Variants in CBFA2T2 observed in about 807,000 individuals in gnomAD.
CBFA2T2 encodes protein CBFA2T2.
In CBFA2T2, 11 loss-of-function variants were observed where a neutral mutation model predicts 62.2. The ratio of observed to expected loss-of-function variants is 0.18; its 90% confidence interval spans 0.11 to 0.29. CBFA2T2 has a LOEUF of 0.29. Among genes scored for constraint, CBFA2T2 ranks in the 10% least tolerant of loss-of-function variants. The pLI is 1.00. For synonymous variants in CBFA2T2, 295 were observed against 287.5 expected, an observed-to-expected ratio of 1.03 and a Z score of -0.27; for missense variants, 592 against 774.1, an observed-to-expected ratio of 0.76 and a Z score of 2.79.
chr20:33,500,012 G>A (rs1429273855), intron 1 of CBFA2T2, among the ~76,000 whole-genome samples: 1 of 152,020 alleles, frequency 6.6e-6, no homozygotes, highest in Non-Finnish European at 1.5e-5. Flanking sequence ...CAGGCTGAGT[G>A]CAGTGGTGTG....
At chr20:33,631,014 C>G (rs368505143) in intron 8 of CBFA2T2, among the ~76,000 whole-genome samples, 1 of 152,050 alleles carries the variant, frequency 6.6e-6, no homozygotes, top group Non-Finnish European at 1.5e-5. Context: ...TGATTCCTTT[C>G]GTAAAAACTC....
intron 1 of CBFA2T2, among the ~76,000 whole-genome samples, chr20:33,564,558 T>C (rs1020247478): frequency 4.0e-5 from 6 of 151,744 alleles, no homozygotes; most frequent in Non-Finnish European, 7.4e-5. Context: ...CCTGGCCCTC[T>C]TTTTTTCTTT....
chr20:33,551,596 T>A (rs575498408), intron 1 of CBFA2T2, among the ~76,000 whole-genome samples: 4 of 152,254 alleles, frequency 2.6e-5, no homozygotes, highest in African/African-American at 7.2e-5. Context: ...AGTGGTGTGA[T>A]CTCAGCTCAT....
intron 8 of CBFA2T2, among the ~76,000 whole-genome samples, chr20:33,633,926 C>T (rs2016539335): frequency 6.6e-6 from 1 of 152,082 alleles, no homozygotes; most frequent in Non-Finnish European, 1.5e-5. Flanking sequence ...ATTTTATGAA[C>T]TGGTCAGCCA....
At chr20:33,617,071 T>A (rs577810529) in intron 3 of CBFA2T2, among the ~76,000 whole-genome samples, 4 of 151,884 alleles carry the variant, frequency 2.6e-5, no homozygotes, top group African/African-American at 7.2e-5. Flanking sequence ...AAAAAAAAAA[T>A]TTAAATTAGC....
intron 1 of CBFA2T2, among the ~76,000 whole-genome samples, chr20:33,606,250 GAA>G (rs1166608368): frequency 6.6e-6 from 1 of 152,130 alleles, no homozygotes; most frequent in Non-Finnish European, 1.5e-5. Context: ...AGAAGTTAAA[GAA>G]AATGCATTTG....
intron 10 of CBFA2T2, among the ~76,000 whole-genome samples, chr20:33,641,984 G>A (rs750599237): frequency 9.2e-5 from 14 of 151,850 alleles, no homozygotes; most frequent in African/African-American, 2.2e-4. Flanking sequence ...TAAATACCAC[G>A]TGGCTATCAC....
rs2017077726 is a variant in CBFA2T2 at position 33,647,059 on chromosome 20, GTT to G, written c.*2416_*2417del. The G allele has an allele frequency of 6.6e-6, 1 of 152,130 alleles. No homozygotes were observed. Among genetic ancestry groups the G allele is most frequent in the Admixed American group, 6.6e-5 (1 of 15,256 alleles). The allele number at this position is 152,130 out of a possible 1,614,324, so 9.4% of individuals were successfully genotyped here. On this transcript the variant is annotated 3_prime_UTR_variant, in exon 11 of 11. Coordinates refer to ENST00000342704, the MANE Select transcript of CBFA2T2 (RefSeq NM_001032999.3). ...TGCTGTGGAACACATAAGCCCCACA[GTT>G]TTCCAGTCAGCCTAATACATGGGTA... is the stretch of plus-strand genomic sequence containing the variant.
intron 8 of CBFA2T2, among the ~76,000 whole-genome samples, chr20:33,633,749 A>G (rs1330352624): frequency 1.3e-5 from 2 of 152,164 alleles, no homozygotes; most frequent in Admixed American, 6.6e-5. Flanking sequence ...AACTACGTCT[A>G]TTCTTGGGAC....
At chr20:33,626,822 G>A (rs531684080) in intron 6 of CBFA2T2, among the ~76,000 whole-genome samples, 2 of 152,176 alleles carry the variant, frequency 1.3e-5, no homozygotes, top group Non-Finnish European at 2.9e-5. Flanking sequence ...AGCAGCCATG[G>A]TGTTCTCAGA....
chr20:33,545,535 G>A (rs957474928), intron 1 of CBFA2T2, among the ~76,000 whole-genome samples: 1 of 5,292 alleles, frequency 1.9e-4, no homozygotes, highest in African/African-American at 1.0e-3. Flanking sequence ...TGCAACCTCT[G>A]CCTCCGGGTT....
intron 1 of CBFA2T2, among the ~76,000 whole-genome samples, chr20:33,540,295 A>G (rs1268612738): frequency 6.6e-6 from 1 of 152,234 alleles, no homozygotes; most frequent in Non-Finnish European, 1.5e-5. Flanking sequence ...GAAATGCATC[A>G]TTAGGTGATG....
intron 10 of CBFA2T2, among the ~76,000 whole-genome samples, chr20:33,643,201 C>G (rs977483119): frequency 1.8e-4 from 28 of 152,200 alleles, no homozygotes; most frequent in African/African-American, 6.5e-4. Context: ...CGAGTTCCCT[C>G]TCATACTGGC....
At chr20:33,630,500 A>G (rs1003722291) in intron 8 of CBFA2T2, among the ~76,000 whole-genome samples, 2 of 151,888 alleles carry the variant, frequency 1.3e-5, no homozygotes, top group Non-Finnish European at 2.9e-5. Context: ...GGAAAATACC[A>G]CTCAATCCAC....
intron 3 of CBFA2T2, 72 bp from the exon 4 acceptor site, chr20:33,619,445 A>AG: frequency 5.7e-5 from 43 of 751,730 alleles, no homozygotes; most frequent in Non-Finnish European, 7.1e-5. Flanking sequence ...AAAAAAAAAA[A>AG]AAGAAGAGTT....
At chr20:33,629,509 T>C (rs1020239011) in intron 7 of CBFA2T2, among the ~76,000 whole-genome samples, 3 of 152,240 alleles carry the variant, frequency 2.0e-5, no homozygotes, top group Admixed American at 6.5e-5. Context: ...CTGGTAGTTA[T>C]TGTCCTCTTT....
chr20:33,529,437 C>G (rs1222589645), intron 1 of CBFA2T2, among the ~76,000 whole-genome samples: 1 of 152,058 alleles, frequency 6.6e-6, no homozygotes, highest in South Asian at 2.1e-4. Context: ...CTCTTTCCAT[C>G]CCTCTTTCCT....
rs139745159 is a variant in CBFA2T2 at position 33,586,116 on chromosome 20, A to G, written c.35-20840A>G. On this transcript the variant is annotated intron_variant, in intron 1 of 10. Transcript: ENST00000342704. The stretch of plus-strand genomic sequence containing the variant: ...GTATGCAAAAGGACTGCCAGTGCAG[A>G]TGTGATCTGATCAATATTGTGATTA... Among the ~76,000 whole-genome samples, 194 of 152,340 alleles carry G rather than the reference A, an allele frequency of 1.3e-3. No individual in the cohort carries two copies. In the East Asian group the frequency reaches 0.014, roughly 11 times the overall value.
intron 1 of CBFA2T2, among the ~76,000 whole-genome samples, chr20:33,581,074 C>G (rs2014091110): frequency 6.8e-6 from 1 of 147,790 alleles, no homozygotes. Context: ...TTCTTTCTTT[C>G]CTGTCTTGAG....
Sources: gnomAD v4.1 joint callset for allele counts (sites outside exome capture counted in the v4.1 genomes callset) on GRCh38, gnomAD v4.1.1 for gene constraint, MANE v1.5 for transcripts, NCBI Gene and HGNC (gene_info 2026-07-23, HGNC 2026-07-21) for gene names.